The following BTG4 variants were observed in gnomAD, a reference collection of about 807,000 sequenced individuals.
The protein encoded by BTG4 is BTG anti-proliferation factor 4.
In BTG4, 10 loss-of-function variants were observed where a neutral mutation model predicts 19.3. The ratio of observed to expected loss-of-function variants is 0.52; its 90% CI spans 0.32 to 0.88. The LOEUF (loss-of-function observed/expected upper bound fraction) is 0.88, where lower values mean the gene tolerates loss of function less well. Among genes scored for constraint, BTG4 ranks in the 40% least tolerant of loss-of-function variants. The pLI is 0.04. For missense variants in BTG4, 238 were observed against 281.9 expected (o/e 0.84, Z 1.11); for synonymous variants, 91 against 95.7 (o/e 0.95, Z 0.29).
the BTG4 span, chr11:111,453,433 G>T: frequency 1.1e-5 from 5 of 456,398 alleles, no homozygotes; most frequent in Admixed American, 9.4e-5. Flanking sequence ...CCTGAGCTGG[G>T]CTCGGAAGGC....
the BTG4 span, among the ~76,000 whole-genome samples, chr11:111,428,673 CAG>C: frequency 2.0e-5 from 3 of 152,196 alleles, no homozygotes; most frequent in African/African-American, 7.2e-5. Context: ...CTTCTCTACG[CAG>C]AGTTACTCAG....
chr11:111,507,220 T>G (rs1285112689), intron 1 of BTG4, among the ~76,000 whole-genome samples: 1 of 152,166 alleles, frequency 6.6e-6, no homozygotes, highest in Non-Finnish European at 1.5e-5. Context: ...TGTTTTCTCC[T>G]TTTGGCTTAA....
chr11:111,465,138 T>C (rs967963031), downstream of BTG4, among the ~76,000 whole-genome samples: 1 of 152,220 alleles, frequency 6.6e-6, no homozygotes, highest in African/African-American at 2.4e-5. Context: ...AGAGAGCACG[T>C]GGCTTTCCTA....
intron 5 of BTG4, among the ~76,000 whole-genome samples, chr11:111,471,596 A>C (rs1864067044): frequency 6.6e-6 from 1 of 151,950 alleles, no homozygotes; most frequent in African/African-American, 2.4e-5. Flanking sequence ...CGGCCTCTTA[A>C]TGTTGGAGGG....
the BTG4 span, chr11:111,452,333 G>A: frequency 6.6e-6 from 1 of 152,250 alleles, no homozygotes; most frequent in South Asian, 2.1e-4. Flanking sequence ...GTTGGCCGGC[G>A]TGGGTCCCAC....
upstream of BTG4, chr11:111,512,839 G>A (rs1867047574): frequency 8.1e-6 from 3 of 371,058 alleles, no homozygotes; most frequent in Middle Eastern, 8.6e-4. Flanking sequence ...CTTGCGCCCA[G>A]CCATGGTAGG....
At chr11:111,396,248 A>G in the BTG4 span, among the ~76,000 whole-genome samples, 1 of 152,202 alleles carries the variant, frequency 6.6e-6, no homozygotes, top group East Asian at 1.9e-4. Flanking sequence ...TGTTATATGT[A>G]ACTTGTAAAC....
At chr11:111,503,692 C>T (rs376574004) in intron 1 of BTG4, among the ~76,000 whole-genome samples, 9 of 152,122 alleles carry the variant, frequency 5.9e-5, no homozygotes, top group African/African-American at 1.9e-4. Context: ...AAGCAACATA[C>T]ACATATTTTA....
At chr11:111,453,891 A>T in the BTG4 span, among the ~76,000 whole-genome samples, 1 of 152,204 alleles carries the variant, frequency 6.6e-6, no homozygotes, top group Non-Finnish European at 1.5e-5. Context: ...TGCAGAAGGT[A>T]TTTATTGTAT....
chr11:111,408,012 G>A, the BTG4 span, among the ~76,000 whole-genome samples: 1 of 152,228 alleles, frequency 6.6e-6, no homozygotes, highest in East Asian at 1.9e-4. Flanking sequence ...CCAGTGCCAG[G>A]GCAAAGGGGC....
upstream of BTG4, chr11:111,512,492 G>T (rs1480121508): frequency 6.6e-6 from 1 of 151,036 alleles, no homozygotes; most frequent in Non-Finnish European, 1.5e-5. Flanking sequence ...TCACTCGGCC[G>T]CTCAGAGCGG....
downstream of BTG4, among the ~76,000 whole-genome samples, chr11:111,493,120 T>C (rs1306313516): frequency 6.6e-6 from 1 of 152,138 alleles, no homozygotes; most frequent in Non-Finnish European, 1.5e-5. Flanking sequence ...CACTCCAGCC[T>C]GGGCAACAAA....
At chr11:111,432,872 T>C in the BTG4 span, among the ~76,000 whole-genome samples, 1 of 152,154 alleles carries the variant, frequency 6.6e-6, no homozygotes, top group African/African-American at 2.4e-5. Context: ...TTTTCTTTTT[T>C]GTAGAGACAA....
intron 5 of BTG4, among the ~76,000 whole-genome samples, chr11:111,470,334 T>C (rs1186099725): frequency 6.6e-6 from 1 of 152,146 alleles, no homozygotes; most frequent in African/African-American, 2.4e-5. Context: ...TCCACCTGCC[T>C]CAGTGTTCCC....
At chr11:111,446,624 A>AACACACACAC in the BTG4 span, among the ~76,000 whole-genome samples, 1,005 of 146,932 alleles carry the variant, frequency 6.8e-3, 9 homozygotes, top group African/African-American at 0.021. Context: ...GACACCAATA[A>AACACACACAC]ACACACACAC....
At chr11:111,387,518 T>G in the BTG4 span, among the ~76,000 whole-genome samples, 2 of 152,250 alleles carry the variant, frequency 1.3e-5, no homozygotes, top group African/African-American at 4.8e-5. Context: ...TTACTGTGTG[T>G]GACAGCCTGG....
the BTG4 span, among the ~76,000 whole-genome samples, chr11:111,389,289 G>C: frequency 1.3e-5 from 2 of 152,082 alleles, no homozygotes; most frequent in Non-Finnish European, 2.9e-5. Context: ...AAATAGAAAT[G>C]TCAGTGTAGG....
At chr11:111,427,995 C>A in the BTG4 span, among the ~76,000 whole-genome samples, 1 of 152,114 alleles carries the variant, frequency 6.6e-6, no homozygotes, top group African/African-American at 2.4e-5. Flanking sequence ...TCCCTTCCTG[C>A]TTGCCGACAA....
rs140237627 is a variant in BTG4, at chr11:111,496,299, T to C, written c.510+912A>G. Among the ~76,000 whole-genome samples the C allele has an allele frequency of 2.3e-3, 344 of 152,286 alleles. 2 individuals are homozygous for C. Among genetic ancestry groups the C allele is most frequent in the African/African-American group, 7.8e-3 (324 of 41,562 alleles). ...TACAGCTGGTGAGACTACAAATAAA[T>C]ACAACTTTCTACATGGTGTTTCGGC... On this transcript the variant is annotated intron_variant, in intron 4 of 4. Coordinates refer to ENST00000692032, the MANE Select transcript of BTG4 (RefSeq NM_001367975.1).
Sources: allele counts gnomAD v4.1 joint callset (sites outside exome capture counted in the v4.1 genomes callset), GRCh38; gene constraint gnomAD v4.1.1; transcripts MANE v1.5; gene names NCBI Gene and HGNC (gene_info 2026-07-23, HGNC 2026-07-21).